The following RUNX1 variants were observed in gnomAD, a reference collection of about 807,000 sequenced individuals.
RUNX1 encodes RUNX family transcription factor 1.
A neutral mutation model predicts 42.8 loss-of-function variants in RUNX1; 19 were observed. That is an observed-to-expected ratio of 0.44 (90% CI 0.31 to 0.65). RUNX1 has a LOEUF of 0.65. Ranked by LOEUF, RUNX1 falls within the 30% of genes least tolerant of loss-of-function variation. The pLI, the probability that RUNX1 is intolerant of heterozygous loss-of-function variation, is 0.07. For synonymous variants in RUNX1, 271 were observed against 289.4 expected, an observed-to-expected ratio of 0.94 and a Z score of 0.64; for missense variants, 528 against 672.0, an observed-to-expected ratio of 0.79 and a Z score of 2.37.
chr21:34,850,291 C>T (rs958748250), intron 6 of RUNX1, among the ~76,000 whole-genome samples: 2 of 152,172 alleles, frequency 1.3e-5, no homozygotes, highest in African/African-American at 4.8e-5. Context: ...ATCAGACCCC[C>T]AAAGGACACA....
intron 5 of RUNX1, among the ~76,000 whole-genome samples, chr21:34,876,585 G>C (rs2057817991): frequency 6.6e-6 from 1 of 151,650 alleles, no homozygotes; most frequent in African/African-American, 2.4e-5. Context: ...TTTGTCCTTG[G>C]AAAAAGCCTT....
At chr21:34,896,012 G>A in intron 2 of RUNX1, among the ~76,000 whole-genome samples, 1 of 151,162 alleles carries the variant, frequency 6.6e-6, no homozygotes, top group African/African-American at 2.4e-5. Flanking sequence ...GTGAGGGAGG[G>A]GGAGGAGTCT....
chr21:34,823,828 C>T (rs2056946990), intron 7 of RUNX1, among the ~76,000 whole-genome samples: 2 of 152,188 alleles, frequency 1.3e-5, no homozygotes, highest in Admixed American at 1.3e-4. Flanking sequence ...GCCATCTCCT[C>T]TTCCCTCTGC....
At chr21:34,869,511 C>G (rs926012043) in intron 5 of RUNX1, among the ~76,000 whole-genome samples, 3 of 152,128 alleles carry the variant, frequency 2.0e-5, no homozygotes, top group Admixed American at 6.5e-5. Context: ...ACAATGGGTT[C>G]GGTGTAATCT....
In RUNX1 at chr21:34,984,083, GC is replaced by G. The variant is rs1420462104; in HGVS notation, c.58+64758del. 3.3e-5 allele frequency among the ~76,000 whole-genome samples: 5 copies of G among 152,170 alleles called. No individual in the cohort carries two copies. In the East Asian group the frequency reaches 9.6e-4, roughly 29 times the overall value. On this transcript the variant is annotated intron_variant, in intron 2 of 8. Transcript: ENST00000675419. ...TGGGCTGAGCTGGAGGGTTAGAGTT[GC>G]CAGTCATGGGTCTATGGTGTTCAAG... is the stretch of plus-strand genomic sequence containing the variant.
At chr21:34,888,129 T>A in intron 3 of RUNX1, 1 of 1,066,318 alleles carries the variant, frequency 9.4e-7, no homozygotes, top group East Asian at 5.0e-5. Flanking sequence ...ACTGTCTACA[T>A]CAGCTGGGTG....
At chr21:35,046,669 G>C (rs546755348) in intron 2 of RUNX1, among the ~76,000 whole-genome samples, 1 of 152,202 alleles carries the variant, frequency 6.6e-6, no homozygotes, top group African/African-American at 2.4e-5. Flanking sequence ...TGAATGATGT[G>C]GACAGTTAAC....
intron 7 of RUNX1, among the ~76,000 whole-genome samples, chr21:34,832,500 T>C (rs938663309): frequency 6.6e-6 from 1 of 152,214 alleles, no homozygotes; most frequent in Non-Finnish European, 1.5e-5. Flanking sequence ...ATCAACCTAG[T>C]AGTATAAATG....
chr21:34,875,143 C>T (rs1216019610), intron 5 of RUNX1, among the ~76,000 whole-genome samples: 4 of 152,278 alleles, frequency 2.6e-5, no homozygotes, highest in Admixed American at 1.3e-4. Context: ...AACTGCGAAA[C>T]TGCCTGTTGC....
chr21:34,875,336 A>C (rs2057799005), intron 5 of RUNX1, among the ~76,000 whole-genome samples: 4 of 152,168 alleles, frequency 2.6e-5, no homozygotes, highest in African/African-American at 9.7e-5. Context: ...CAGATCATGG[A>C]GGCAAGCTTT....
At chr21:34,950,541 C>A (rs2058599268) in intron 2 of RUNX1, among the ~76,000 whole-genome samples, 1 of 152,148 alleles carries the variant, frequency 6.6e-6, no homozygotes. Flanking sequence ...GAGTTCAAGA[C>A]CAGCCCGGCC....
chr21:34,981,187 C>T (rs1292017004), intron 2 of RUNX1, among the ~76,000 whole-genome samples: 2 of 152,252 alleles, frequency 1.3e-5, no homozygotes, highest in East Asian at 1.9e-4. Flanking sequence ...TTGTGGAGTT[C>T]GTTTTGAAGT....
chr21:34,826,434 C>CTTTTTTTT (rs772880673), intron 7 of RUNX1, among the ~76,000 whole-genome samples: 46 of 105,362 alleles, frequency 4.4e-4, no homozygotes, highest in African/African-American at 6.9e-4. Flanking sequence ...TTCTTTCTTT[C>CTTTTTTTT]TTTTTTTTTT....
chr21:34,814,230 G>T (rs948260613), intron 7 of RUNX1, among the ~76,000 whole-genome samples: 2 of 152,038 alleles, frequency 1.3e-5, no homozygotes, highest in African/African-American at 4.8e-5. Flanking sequence ...AATAAAAGTT[G>T]GTGTCTGTTG....
chr21:34,888,716 G>C (rs2058035234), intron 3 of RUNX1: 8 of 1,028,776 alleles, frequency 7.8e-6, no homozygotes, highest in Non-Finnish European at 9.4e-6. Flanking sequence ...AAATGAACGT[G>C]CTTTTACTGT....
At chr21:34,895,338 C>A (rs1174941257) in intron 2 of RUNX1, among the ~76,000 whole-genome samples, 1 of 152,196 alleles carries the variant, frequency 6.6e-6, no homozygotes, top group Non-Finnish European at 1.5e-5. Flanking sequence ...CTTCCTCTGT[C>A]CCAGGCAAGG....
At chr21:34,919,276 T>C (rs2058335858) in intron 2 of RUNX1, among the ~76,000 whole-genome samples, 1 of 152,180 alleles carries the variant, frequency 6.6e-6, no homozygotes, top group Non-Finnish European at 1.5e-5. Flanking sequence ...GTATAGTCTT[T>C]GAAAAGTGAT....
At chr21:34,970,357 T>C (rs545553310) in intron 2 of RUNX1, among the ~76,000 whole-genome samples, 3 of 152,358 alleles carry the variant, frequency 2.0e-5, no homozygotes, top group African/African-American at 7.2e-5. Flanking sequence ...AGGTTGGCAA[T>C]AGCAGCACTT....
intron 2 of RUNX1, among the ~76,000 whole-genome samples, chr21:35,019,542 AT>A (rs1387219932): frequency 2.0e-5 from 3 of 152,218 alleles, no homozygotes; most frequent in African/African-American, 4.8e-5. Context: ...TGCTGAAAAA[AT>A]TAAAATAATT....
Sources: gnomAD v4.1 joint callset for allele counts (sites outside exome capture counted in the v4.1 genomes callset) on GRCh38, gnomAD v4.1.1 for gene constraint, MANE v1.5 for transcripts, NCBI Gene and HGNC (gene_info 2026-07-23, HGNC 2026-07-21) for gene names.